FRYL: variants seen among roughly 807,000 people sequenced by gnomAD.
FRYL encodes FRY like transcription coactivator.
A neutral mutation model predicts 351.2 loss-of-function variants in FRYL; 150 were observed. The observed-to-expected ratio is 0.43, with a 90% CI of 0.37 to 0.49. The LOEUF (loss-of-function observed/expected upper bound fraction) is 0.49, where lower values mean the gene tolerates loss of function less well. Ranked by LOEUF, FRYL falls within the 20% of genes least tolerant of loss-of-function variation. The pLI, the probability that FRYL is intolerant of heterozygous loss-of-function variation, is 0.00. For synonymous variants in FRYL, 1,153 were observed against 1,257.1 expected (o/e 0.92, Z 1.75); for missense variants, 3,036 against 3,619.3 (o/e 0.84, Z 4.13).
At chr4:48,586,461 A>C (rs1394109497) in intron 19 of FRYL, among the ~76,000 whole-genome samples, 160 bp downstream of exon 19, 1 of 152,196 alleles carries the variant, frequency 6.6e-6, no homozygotes, top group Non-Finnish European at 1.5e-5. Context: ...GTTTAACAAC[A>C]ACAAAAAAAG....
In FRYL at chr4:48,540,650, T is replaced by G. The variant is rs764260024; in HGVS notation, c.5998A>C (p.Met2000Leu). Residue 2000 changes from methionine to leucine, a missense_variant, in exon 46 of 64, where the codon ATG becomes CTG. By Grantham distance (15) the Met-to-Leu change is conservative. Coordinates refer to ENST00000358350, the MANE Select transcript of FRYL (RefSeq NM_015030.2). ...VQSTTEPTNL[M>L]ATIFWIAASL... ...GCTGCTATCCAAAAAATGGTGGCCA[T>G]CAAGTTGGTAGGCTCAGTAGTGGAC... 6.2e-7 allele frequency: 1 copy of G among 1,613,998 alleles called. No homozygotes were observed. The highest frequency in any genetic ancestry group is 1.7e-5 in the Admixed American group (1 of 59,988).
At chr4:48,654,322 A>G (rs1758366633) in intron 3 of FRYL, among the ~76,000 whole-genome samples, 1 of 151,814 alleles carries the variant, frequency 6.6e-6, no homozygotes, top group Non-Finnish European at 1.5e-5. Context: ...AAACAAAAAC[A>G]AAAACAAAAA....
At chr4:48,728,886 C>A (rs1770386385) in intron 1 of FRYL, among the ~76,000 whole-genome samples, 1 of 152,216 alleles carries the variant, frequency 6.6e-6, no homozygotes, top group Non-Finnish European at 1.5e-5. Context: ...GTGGGTGCAG[C>A]CCACGGAGGG....
At chr4:48,612,931 C>T (rs1266625584) in intron 7 of FRYL, among the ~76,000 whole-genome samples, 1 of 152,088 alleles carries the variant, frequency 6.6e-6, no homozygotes, top group Non-Finnish European at 1.5e-5. Flanking sequence ...AAATCTTTTA[C>T]TGTGCCTGGT....
At chr4:48,573,319 G>T in intron 25 of FRYL, 76 bp from the exon 26 acceptor site, 1 of 920,190 alleles carries the variant, frequency 1.1e-6, no homozygotes, top group Non-Finnish European at 1.8e-6. Flanking sequence ...GTAAAAACAT[G>T]ATGTAAACTG....
chr4:48,671,874 A>AAC, intron 3 of FRYL, among the ~76,000 whole-genome samples: 2 of 23,008 alleles, frequency 8.7e-5, no homozygotes, highest in Non-Finnish European at 1.7e-4. Flanking sequence ...AAAAAAAAAC[A>AAC]AAAAAAAAAA....
chr4:48,671,859 A>AAAAAC (rs1762763800), intron 3 of FRYL, among the ~76,000 whole-genome samples: 1 of 84,668 alleles, frequency 1.2e-5, no homozygotes, highest in African/African-American at 4.2e-5. Flanking sequence ...TCTCAAAAAC[A>AAAAAC]AAAAAAAAAA....
intron 2 of FRYL, among the ~76,000 whole-genome samples, chr4:48,702,724 G>A (rs541606365): frequency 2.4e-5 from 3 of 127,366 alleles, no homozygotes; most frequent in African/African-American, 9.2e-5. Context: ...TCGGGCCACT[G>A]CACTCCAGCC....
intron 1 of FRYL, among the ~76,000 whole-genome samples, chr4:48,763,783 T>A (rs77535964): frequency 6.6e-6 from 1 of 152,266 alleles, no homozygotes; most frequent in East Asian, 1.9e-4. Context: ...GAAGTCCATA[T>A]AGGAAAGGCT....
chr4:48,765,698 A>G (rs141844203), intron 1 of FRYL, among the ~76,000 whole-genome samples: 1 of 152,322 alleles, frequency 6.6e-6, no homozygotes, highest in East Asian at 1.9e-4. Context: ...CAACAAAATG[A>G]AAAGATGACC....
chr4:48,560,369 T>C (rs1414123264), intron 33 of FRYL, among the ~76,000 whole-genome samples: 4 of 152,210 alleles, frequency 2.6e-5, no homozygotes, highest in South Asian at 2.1e-4. Context: ...GAATGAACTA[T>C]CTTAAGCAAA....
At chr4:48,683,328 T>C (rs1207065966) in intron 3 of FRYL, among the ~76,000 whole-genome samples, 2 of 151,848 alleles carry the variant, frequency 1.3e-5, no homozygotes, top group Non-Finnish European at 2.9e-5. Context: ...AGATGATGGG[T>C]TGATGGGTGC....
At chr4:48,578,205 T>C (rs1399457063) in intron 23 of FRYL, among the ~76,000 whole-genome samples, 2 of 151,902 alleles carry the variant, frequency 1.3e-5, no homozygotes, top group Non-Finnish European at 2.9e-5. Flanking sequence ...ACTTTGAAAG[T>C]ATTGATAGAA....
intron 1 of FRYL, among the ~76,000 whole-genome samples, chr4:48,775,643 T>C (rs1380908937): frequency 6.6e-6 from 1 of 152,208 alleles, no homozygotes; most frequent in African/African-American, 2.4e-5. Flanking sequence ...AAATCTACAT[T>C]TCTCCTTGGG....
intron 55 of FRYL, among the ~76,000 whole-genome samples, chr4:48,519,953 G>A (rs1257238203): frequency 6.6e-6 from 1 of 152,054 alleles, no homozygotes; most frequent in African/African-American, 2.4e-5. Flanking sequence ...AGATGGTCTC[G>A]ATCTCCTGAC....
chr4:48,733,378 C>G (rs1442766506), intron 1 of FRYL, among the ~76,000 whole-genome samples: 9 of 151,262 alleles, frequency 5.9e-5, no homozygotes. Context: ...AAAACTTCCT[C>G]ATAGAAACAA....
At position 48,619,475 on chromosome 4, in the gene FRYL, T is replaced by C. The variant is rs532938860; in HGVS notation, c.315-105A>G. 6 of 582,560 alleles carry C rather than the reference T, an allele frequency of 1.0e-5. No individual in the cohort carries two copies. In the East Asian group the frequency reaches 1.5e-4, roughly 15 times the overall value. The allele number at this position is 582,560 out of a possible 1,614,324, so 36.1% of individuals were successfully genotyped here. A position where few individuals can be genotyped will look rare whatever the true frequency, so the allele number is the denominator to read the frequency against. ...TACTGTTTTCCTACTATGTAAAATGTGCTACAGCAATTGTTAATATGAAGC... is the reference window on the plus strand; with the variant it reads ...TACTGTTTTCCTACTATGTAAAATGCGCTACAGCAATTGTTAATATGAAGC... On this transcript the variant is annotated intron_variant, in intron 6 of 63. Coordinates refer to ENST00000358350, the MANE Select transcript of FRYL (RefSeq NM_015030.2).
chr4:48,730,423 C>T (rs546825214), intron 1 of FRYL, among the ~76,000 whole-genome samples: 20 of 152,222 alleles, frequency 1.3e-4, no homozygotes, highest in Non-Finnish European at 2.2e-4. Context: ...CCCCAAGCCA[C>T]GTAATTGTCA....
intron 3 of FRYL, among the ~76,000 whole-genome samples, chr4:48,642,609 T>C (rs1309072808): frequency 1.3e-5 from 2 of 152,128 alleles, no homozygotes; most frequent in African/African-American, 4.8e-5. Context: ...TTTCTAAACA[T>C]AGAAGTCCTA....
Sources: allele counts gnomAD v4.1 joint callset (sites outside exome capture counted in the v4.1 genomes callset), GRCh38; gene constraint gnomAD v4.1.1; transcripts MANE v1.5; gene names NCBI Gene and HGNC (gene_info 2026-07-23, HGNC 2026-07-21).